DSCAML1: variants seen among roughly 807,000 people sequenced by gnomAD.
DSCAML1 encodes the protein cell adhesion molecule DSCAML1.
Under a neutral mutation model 200.5 loss-of-function variants are expected in DSCAML1, and 38 were observed. The observed-to-expected ratio is 0.19, with a 90% CI of 0.15 to 0.25. The LOEUF (loss-of-function observed/expected upper bound fraction) is 0.25. Among genes scored for constraint, DSCAML1 ranks in the 10% least tolerant of loss-of-function variants. DSCAML1 has a pLI of 1.00. For synonymous variants in DSCAML1, 1,215 were observed against 1,165.0 expected (o/e 1.04, Z -0.87); for missense variants, 2,223 against 2,858.8 (o/e 0.78, Z 5.07).
intron 1 of DSCAML1, among the ~76,000 whole-genome samples, chr11:117,787,487 G>T (rs950670870): frequency 6.6e-6 from 1 of 152,158 alleles, no homozygotes; most frequent in Admixed American, 6.5e-5. Context: ...TGGAGAGCTT[G>T]TTAAAAATGC....
intron 3 of DSCAML1, among the ~76,000 whole-genome samples, chr11:117,648,187 A>G (rs2052560095): frequency 6.6e-6 from 1 of 152,140 alleles, no homozygotes; most frequent in South Asian, 2.1e-4. Context: ...GGGGGGCCTC[A>G]GTGACCTGGA....
intron 2 of DSCAML1, among the ~76,000 whole-genome samples, chr11:117,777,230 A>G (rs2055143002): frequency 6.6e-6 from 1 of 151,976 alleles, no homozygotes; most frequent in Non-Finnish European, 1.5e-5. Flanking sequence ...TACCTTTCCC[A>G]TTTCGGTATT....
At chr11:117,612,740 G>A (rs2051721874) in intron 3 of DSCAML1, among the ~76,000 whole-genome samples, 1 of 152,214 alleles carries the variant, frequency 6.6e-6, no homozygotes, top group Non-Finnish European at 1.5e-5. Flanking sequence ...CTCCTGGTGG[G>A]ATGGGCATCG....
At chr11:117,713,820 T>C (rs1034424638) in intron 3 of DSCAML1, among the ~76,000 whole-genome samples, 27 of 151,948 alleles carry the variant, frequency 1.8e-4, no homozygotes, top group Non-Finnish European at 3.8e-4. Context: ...TGGTGGGCAG[T>C]GGTGGTGGAA....
chr11:117,449,601 A>G (rs1037757551), intron 20 of DSCAML1, among the ~76,000 whole-genome samples: 4 of 152,156 alleles, frequency 2.6e-5, no homozygotes, highest in South Asian at 2.1e-4. Context: ...AGGGAGGAGC[A>G]GGCCTCCTGC....
chr11:117,438,333 T>C (rs1327956382), intron 24 of DSCAML1, among the ~76,000 whole-genome samples: 2 of 152,176 alleles, frequency 1.3e-5, no homozygotes, highest in Non-Finnish European at 2.9e-5. Context: ...GGTCTGACGC[T>C]GTCACTTTGG....
intron 2 of DSCAML1, among the ~76,000 whole-genome samples, chr11:117,779,413 C>G (rs1289567351): frequency 6.6e-6 from 1 of 152,122 alleles, no homozygotes; most frequent in Non-Finnish European, 1.5e-5. Context: ...ACCTGAGAAA[C>G]CCTACCTCCT....
rs920849245 is a variant in DSCAML1 at position 117,482,060 on chromosome 11, C to T, written c.2462G>A (p.Arg821His). Residue 821 changes from arginine (R) to histidine (H), a missense_variant, in exon 12 of 33, where the codon CGC (arginine) becomes CAC (histidine). Arg to His is a conservative substitution (Grantham distance 29). This residue lies in a region of DSCAML1 where 438 missense variants were observed against 629.7 expected (regional missense o/e 0.70). Coordinates refer to ENST00000651296, the MANE Select transcript of DSCAML1 (RefSeq NM_020693.4). ...TARGERPIII[R>H]WEKGDTVIDP... ...GATGACTGTGTCCCCCTTCTCCCAG[C>T]GGATGATGATGGGCCGCTCACCCCG... 9 of 1,614,056 alleles carry T rather than the reference C, an allele frequency of 5.6e-6. No individual in the cohort carries two copies. The highest frequency in any genetic ancestry group is 4.4e-5 in the South Asian group (4 of 91,090).
At chr11:117,517,208 A>G (rs907075356) in intron 7 of DSCAML1, among the ~76,000 whole-genome samples, 20 of 152,248 alleles carry the variant, frequency 1.3e-4, no homozygotes, top group Non-Finnish European at 2.9e-4. Context: ...AATTACTTAA[A>G]AACAACAGGA....
At chr11:117,572,328 G>T (rs954011228) in intron 3 of DSCAML1, among the ~76,000 whole-genome samples, 1 of 152,164 alleles carries the variant, frequency 6.6e-6, no homozygotes, top group Non-Finnish European at 1.5e-5. Flanking sequence ...TGGCCTCTCC[G>T]AGTTTCCAGC....
At chr11:117,816,807 G>GGGGGGGT (rs1555038476) in intron 1 of DSCAML1, among the ~76,000 whole-genome samples, 15 of 115,074 alleles carry the variant, frequency 1.3e-4, no homozygotes, top group South Asian at 9.2e-4. Context: ...CTGGGGGGGT[G>GGGGGGGT]GGGTGGAGAT....
intron 3 of DSCAML1, among the ~76,000 whole-genome samples, chr11:117,550,573 A>G (rs1049931040): frequency 6.6e-6 from 1 of 152,186 alleles, no homozygotes; most frequent in African/African-American, 2.4e-5. Context: ...GCATACAGTA[A>G]AGGTATAATA....
chr11:117,486,911 C>CTT lies in DSCAML1; in HGVS notation c.2360-4751_2360-4750dup, dbSNP rs56805170. On this transcript the variant is annotated intron_variant, in intron 11 of 32. Transcript: ENST00000651296. ...GAAAAAAAAAAAGAATGTAAAATAC[C>CTT]TTTTTTTTTTTTTTTTTTTTTTTTT... 4.3e-3 allele frequency among the ~76,000 whole-genome samples: 345 copies of CTT among 79,668 alleles called. 30 individuals carry two copies. Among genetic ancestry groups the CTT allele is most frequent in the Non-Finnish European group, 6.4e-3 (272 of 42,802 alleles). 52.3% of individuals were successfully genotyped at this position (79,668 alleles called of 152,430 possible).
At chr11:117,737,274 C>G (rs138132963) in intron 3 of DSCAML1, among the ~76,000 whole-genome samples, 9 of 152,326 alleles carry the variant, frequency 5.9e-5, no homozygotes, top group South Asian at 2.1e-4. Context: ...AAAGGAAGAA[C>G]AGCTGTAAAA....
chr11:117,713,354 A>G (rs568227366), intron 3 of DSCAML1, among the ~76,000 whole-genome samples: 2 of 152,250 alleles, frequency 1.3e-5, no homozygotes, highest in South Asian at 4.1e-4. Flanking sequence ...GACCTCAGGT[A>G]ATCCACCCGC....
chr11:117,536,044 T>G (rs1192302044), intron 3 of DSCAML1, among the ~76,000 whole-genome samples: 2 of 152,014 alleles, frequency 1.3e-5, no homozygotes, highest in Non-Finnish European at 2.9e-5. Flanking sequence ...CATATTTAAT[T>G]GCAGTAACGT....
chr11:117,715,111 A>AC (rs1018694912), intron 3 of DSCAML1, among the ~76,000 whole-genome samples: 1 of 13,744 alleles, frequency 7.3e-5, no homozygotes, highest in African/African-American at 1.0e-4. Context: ...AAAATAAGTC[A>AC]TTAAAAAAAA....
At chr11:117,778,793 G>A (rs1006891712) in intron 2 of DSCAML1, among the ~76,000 whole-genome samples, 3 of 152,214 alleles carry the variant, frequency 2.0e-5, no homozygotes, top group Non-Finnish European at 4.4e-5. Flanking sequence ...GGCCAGAGCT[G>A]GGCTCCAAAC....
intron 19 of DSCAML1, among the ~76,000 whole-genome samples, chr11:117,457,730 G>C (rs539841570): frequency 2.0e-5 from 3 of 152,302 alleles, no homozygotes; most frequent in Non-Finnish European, 4.4e-5. Context: ...GACAATGGCA[G>C]CTTCTCCCCC....
Sources: gnomAD v4.1 joint callset for allele counts (sites outside exome capture counted in the v4.1 genomes callset) on GRCh38, gnomAD v4.1.1 for gene constraint, gnomAD v4.1.1 regional missense constraint, MANE v1.5 for transcripts, NCBI Gene and HGNC (gene_info 2026-07-23, HGNC 2026-07-21) for gene names.